The following NNT variants were observed in gnomAD, a reference collection of about 807,000 sequenced individuals.
The protein encoded by NNT is nicotinamide nucleotide transhydrogenase.
Under a neutral mutation model 104.8 loss-of-function variants are expected in NNT, and 50 were observed. That is an observed-to-expected ratio of 0.48 (90% CI 0.38 to 0.60). NNT has a LOEUF of 0.60. Among genes scored for constraint, NNT ranks in the 20% least tolerant of loss-of-function variants. The pLI, the probability that NNT is intolerant of heterozygous loss-of-function variation, is 0.00. For synonymous variants in NNT, 461 were observed against 490.4 expected (o/e 0.94, Z 0.79); for missense variants, 1,131 against 1,330.7 (o/e 0.85, Z 2.33).
intron 18 of NNT, 60 bp from the exon 19 acceptor site, chr5:43,677,665 T>C: frequency 7.1e-7 from 1 of 1,414,118 alleles, no homozygotes; most frequent in Non-Finnish European, 1.0e-6. Flanking sequence ...AGAGAAGTTG[T>C]ACTTCATGTA....
At chr5:43,630,224 T>G (rs1407667596) in intron 7 of NNT, among the ~76,000 whole-genome samples, 1 of 152,188 alleles carries the variant, frequency 6.6e-6, no homozygotes, top group Non-Finnish European at 1.5e-5. Flanking sequence ...CATTGCTTGA[T>G]GTATGTACAA....
chr5:43,647,168 C>G lies in NNT; in HGVS notation c.1444+1658C>G, dbSNP rs372381167. Among the ~76,000 whole-genome samples, 123 of 152,230 alleles carry G rather than the reference C, an allele frequency of 8.1e-4. 1 individual carries two copies. Among genetic ancestry groups the G allele is most frequent in the African/African-American group, 2.8e-3 (117 of 41,542 alleles). ...TTTTAAAGCTAAACATGTAACTCTC[C>G]TTGAATAAAGAGTAAGTCTCAGCAA... On this transcript the variant is annotated intron_variant, in intron 10 of 21. Transcript: ENST00000344920.
At chr5:43,666,859 G>A in intron 17 of NNT, 2 of 1,487,070 alleles carry the variant, frequency 1.3e-6, no homozygotes, top group Admixed American at 1.7e-5. Flanking sequence ...TTGATCCTTG[G>A]CCTTGGCCTT....
chr5:43,607,795 T>C (rs1474840475), intron 1 of NNT, among the ~76,000 whole-genome samples: 1 of 152,188 alleles, frequency 6.6e-6, no homozygotes, highest in Non-Finnish European at 1.5e-5. Flanking sequence ...CTCTGGAGTC[T>C]GGAAGAACAT....
intron 17 of NNT, among the ~76,000 whole-genome samples, chr5:43,672,446 C>T (rs559732948): frequency 4.6e-5 from 7 of 152,296 alleles, no homozygotes; most frequent in Admixed American, 6.5e-5. Flanking sequence ...ATGATGGTGA[C>T]GTACAGATGA....
chr5:43,679,815 G>A (rs538599718), intron 19 of NNT, among the ~76,000 whole-genome samples: 1 of 152,054 alleles, frequency 6.6e-6, no homozygotes, highest in South Asian at 2.1e-4. Flanking sequence ...TAGGACCAAA[G>A]CCTTTTCATG....
chr5:43,665,541 C>T (rs1218973295), intron 17 of NNT, among the ~76,000 whole-genome samples: 2 of 152,102 alleles, frequency 1.3e-5, no homozygotes, highest in African/African-American at 4.8e-5. Flanking sequence ...CAGAAAGCAC[C>T]GGGTTGGGGG....
intron 17 of NNT, among the ~76,000 whole-genome samples, chr5:43,670,924 C>A: frequency 6.6e-6 from 1 of 151,850 alleles, no homozygotes; most frequent in Middle Eastern, 3.2e-3. Flanking sequence ...GTCTAAGTCT[C>A]TTTGTAGGTC....
intron 11 of NNT, among the ~76,000 whole-genome samples, 191 bp downstream of exon 11, chr5:43,649,499 C>T (rs537825339): frequency 5.9e-5 from 9 of 151,782 alleles, no homozygotes; most frequent in Admixed American, 2.0e-4. Context: ...AGTAAGAGGC[C>T]GTGGGAGTGT....
intron 6 of NNT, 67 bp from the exon 7 acceptor site, chr5:43,628,133 A>G: frequency 1.6e-6 from 2 of 1,224,646 alleles, no homozygotes; most frequent in South Asian, 2.1e-5. Context: ...GTATATGTAA[A>G]TGATGATCTT....
chr5:43,697,441 G>A (rs1027938757), intron 19 of NNT, among the ~76,000 whole-genome samples: 3 of 152,050 alleles, frequency 2.0e-5, no homozygotes, highest in South Asian at 2.1e-4. Context: ...ACTTTCCCAC[G>A]TTTTCCTGTC....
At chr5:43,622,342 A>C (rs13356232) in intron 5 of NNT, among the ~76,000 whole-genome samples, 20,892 of 152,152 alleles carry the variant, frequency 0.14, 2,075 homozygotes, top group African/African-American at 0.28. Flanking sequence ...AGAGGAGGGG[A>C]AGGTTATATG....
At chr5:43,673,300 C>G (rs930033362) in intron 17 of NNT, among the ~76,000 whole-genome samples, 1 of 152,204 alleles carries the variant, frequency 6.6e-6, no homozygotes, top group Admixed American at 6.5e-5. Flanking sequence ...CTTGCCCACA[C>G]TGTCCGACAA....
intron 1 of NNT, among the ~76,000 whole-genome samples, chr5:43,604,066 G>C (rs1393665085): frequency 6.6e-6 from 1 of 152,228 alleles, no homozygotes; most frequent in African/African-American, 2.4e-5. Context: ...GACGGCACCG[G>C]TGGCAGTAGC....
chr5:43,669,264 C>T (rs1371615212), intron 17 of NNT, among the ~76,000 whole-genome samples: 1 of 151,976 alleles, frequency 6.6e-6, no homozygotes, highest in African/African-American at 2.4e-5. Context: ...TAATTGAATA[C>T]CCTTTATTTC....
In NNT at chr5:43,704,252, C is replaced by T. The variant is rs201769324; in HGVS notation, c.3112-3C>T. On this transcript the variant is annotated splice_polypyrimidine_tract_variant and splice_region_variant and intron_variant, in intron 21 of 21. Coordinates refer to ENST00000344920, the MANE Select transcript of NNT (RefSeq NM_182977.3). ...ACTCTCTCATTTAATCTCTGGTTCTCAGGTGATTGTTATGAAGAGGTCTTT... is the reference window on the plus strand; with the variant it reads ...ACTCTCTCATTTAATCTCTGGTTCTTAGGTGATTGTTATGAAGAGGTCTTT... 9.6e-5 allele frequency: 150 copies of T among 1,555,510 alleles called. No homozygotes were observed. In the African/African-American group the frequency reaches 9.9e-4, roughly 10 times the overall value.
chr5:43,644,523 C>G, intron 8 of NNT, 88 bp from the exon 9 acceptor site: 1 of 1,239,754 alleles, frequency 8.1e-7, no homozygotes, highest in Non-Finnish European at 1.1e-6. Context: ...AATTACAAAA[C>G]TTAGCATTGA....
intron 19 of NNT, among the ~76,000 whole-genome samples, chr5:43,694,738 TTGTG>T (rs61079918): frequency 0.011 from 1,547 of 137,844 alleles, 10 homozygotes; most frequent in African/African-American, 0.025. Context: ...GGCCTAAAGT[TTGTG>T]TGTGTGTGTG....
intron 9 of NNT, among the ~76,000 whole-genome samples, chr5:43,645,027 A>G (rs1739306854): frequency 6.6e-6 from 1 of 152,204 alleles, no homozygotes; most frequent in South Asian, 2.1e-4. Context: ...CTCCTTTTGA[A>G]AAACGGAGAT....
Sources: gnomAD v4.1 joint callset for allele counts (sites outside exome capture counted in the v4.1 genomes callset) on GRCh38, gnomAD v4.1.1 for gene constraint, MANE v1.5 for transcripts, NCBI Gene and HGNC (gene_info 2026-07-23, HGNC 2026-07-21) for gene names.